ALB: variants seen among roughly 807,000 people sequenced by gnomAD.
ALB encodes serum albumin.
Under a neutral mutation model 74.5 loss-of-function variants are expected in ALB, and 37 were observed. The ratio of observed to expected loss-of-function variants is 0.50; its 90% CI spans 0.38 to 0.65. ALB has a LOEUF of 0.65. Among genes scored for constraint, ALB ranks in the 30% least tolerant of loss-of-function variants. ALB has a pLI of 0.00. For synonymous variants in ALB, 249 were observed against 251.6 expected (o/e 0.99, Z 0.10); for missense variants, 685 against 718.7 (o/e 0.95, Z 0.54).
Position 73,419,615 on chromosome 4 carries a change from T to C in ALB, c.1761T>C (p.Asp587=). 1 of 1,614,082 alleles carries C rather than the reference T, an allele frequency of 6.2e-7. No individual in the cohort carries two copies. The highest frequency in any genetic ancestry group is 8.5e-7 in the Non-Finnish European group (1 of 1,179,964). The stretch of plus-strand genomic sequence containing the variant: ...TAGAGAAGTGCTGCAAGGCTGACGA[T>C]AAGGAGACCTGCTTTGCCGAGGAGG... ...AFVEKCCKAD[D]KETCFAEEGK... is the part of the protein sequence containing the mutation. The change falls in exon 13 of 15, where the codon GAT becomes GAC. Residue 587 remains aspartate (D), a synonymous_variant. Transcript: ENST00000295897.
At chr4:73,410,198 A>T in intron 5 of ALB, 114 bp from the exon 6 acceptor site, 1 of 776,272 alleles carries the variant, frequency 1.3e-6, no homozygotes, top group Non-Finnish European at 2.3e-6. Flanking sequence ...TTGGGAATTT[A>T]GGCATAAATT....
rs1427073527 is a variant in ALB, at chr4:73,413,604, A to G, written c.1028A>G (p.Tyr343Cys). The G allele has an allele frequency of 1.2e-6, 2 of 1,614,150 alleles. No individual in the cohort carries two copies. Among genetic ancestry groups the G allele is most frequent in the Admixed American group, 1.7e-5 (1 of 60,014 alleles). The change falls in exon 8 of 15, where the codon TAT becomes TGT. Residue 343 changes from tyrosine (Y) to cysteine (C), a missense_variant. Transcript: ENST00000295897. ...GAAAGTAAGGATGTTTGCAAAAACTATGCTGAGGCAAAGGATGTCTTCCTG... is the reference window on the plus strand; with the variant it reads ...GAAAGTAAGGATGTTTGCAAAAACTGTGCTGAGGCAAAGGATGTCTTCCTG... ...FVESKDVCKN[Y>C]AEAKDVFLGM... is the part of the protein sequence containing the mutation.
intron 9 of ALB, among the ~76,000 whole-genome samples, chr4:73,415,902 G>A (rs1340982178): frequency 2.0e-5 from 3 of 152,096 alleles, no homozygotes; most frequent in Non-Finnish European, 2.9e-5. Context: ...TAGCTTACCT[G>A]GTTTACAGAG....
At chr4:73,420,121 T>C in intron 13 of ALB, 133 bp from the exon 14 acceptor site, 6 of 799,294 alleles carry the variant, frequency 7.5e-6, no homozygotes, top group Non-Finnish European at 1.2e-5. Flanking sequence ...GAGATTATAG[T>C]AGTAAATTGT....
At chr4:73,419,046 T>C (rs536431888) in intron 12 of ALB, among the ~76,000 whole-genome samples, 69 of 152,168 alleles carry the variant, frequency 4.5e-4, no homozygotes, top group African/African-American at 1.6e-3. Context: ...GAACCAAATA[T>C]AAAGTTTCTC....
intron 7 of ALB, among the ~76,000 whole-genome samples, chr4:73,412,874 A>T (rs1718915620): frequency 6.6e-6 from 1 of 152,196 alleles, no homozygotes; most frequent in Admixed American, 6.5e-5. Context: ...ATGTGCAAAT[A>T]TTTGGAATGA....
rs1577943559 is a variant in ALB, at chr4:73,421,190, T to C, written c.*122T>C. The stretch of plus-strand genomic sequence containing the variant: ...AAGCCAACACCCTGTCTAAAAAACA[T>C]AAATTTCTTTAATCATTTTGCCTCT... On this transcript the variant is annotated 3_prime_UTR_variant, in exon 15 of 15. Transcript: ENST00000295897. The C allele has an allele frequency of 3.1e-6, 2 of 651,780 alleles. No homozygotes were observed. The highest frequency in any genetic ancestry group is 1.7e-5 in the South Asian group (1 of 58,576). 40.4% of individuals were successfully genotyped at this position (651,780 alleles called of 1,614,324 possible). A position where few individuals can be genotyped will look rare whatever the true frequency, so the allele number is the denominator to read the frequency against.
chr4:73,409,291 T>G (rs747742715), intron 4 of ALB, 64 bp from the exon 5 acceptor site: 3 of 1,557,572 alleles, frequency 1.9e-6, no homozygotes, highest in Non-Finnish European at 2.6e-6. Flanking sequence ...GAATGTCGAT[T>G]ACAATTATTT....
intron 1 of ALB, 125 bp from the exon 2 acceptor site, chr4:73,404,991 T>G: frequency 1.2e-6 from 1 of 861,252 alleles, no homozygotes. Context: ...TCTGTAGGAA[T>G]CAGAGCCCAA....
chr4:73,418,208 G>T lies in ALB; in HGVS notation c.1549G>T (p.Val517Phe), dbSNP rs779064435. ...GCGACCATGCTTTTCAGCTCTGGAAGTCGATGAAACATACGTTCCCAAAGA... is the reference window on the plus strand; with the variant it reads ...GCGACCATGCTTTTCAGCTCTGGAATTCGATGAAACATACGTTCCCAAAGA... Reference protein sequence around the residue: ...NRRPCFSALEVDETYVPKEFN... With the variant: ...NRRPCFSALEFDETYVPKEFN... Residue 517 changes from valine (V) to phenylalanine (F), a missense_variant, in exon 12 of 15, where the codon GTC (valine) becomes TTC (phenylalanine). Transcript: ENST00000295897. 6.2e-7 allele frequency: 1 copy of T among 1,614,146 alleles called. No homozygotes were observed. The highest frequency in any genetic ancestry group is 1.3e-5 in the African/African-American group (1 of 75,050).
Position 73,410,405 on chromosome 4 carries a change from G to C in ALB, c.709G>C (p.Ala237Pro), listed in dbSNP as rs1171303257. Residue 237 changes from alanine to proline, a missense_variant, in exon 6 of 15, where the codon GCA (alanine) becomes CCA (proline). Transcript: ENST00000295897. Reference protein sequence around the residue: ...LQKFGERAFKAWAVARLSQRF... With the variant: ...LQKFGERAFKPWAVARLSQRF... ...AAAATTTGGAGAAAGAGCTTTCAAA[G>C]CATGGTAAATACTTTTAAACATAGT... The C allele has an allele frequency of 6.2e-7, 1 of 1,604,580 alleles. No individual in the cohort carries two copies.
rs1719089015 is a variant in ALB, at chr4:73,419,283, G to C, written c.1653-224G>C. The C allele has an allele frequency of 4.0e-5, 22 of 548,146 alleles. No individual in the cohort carries two copies. The South Asian group carries it at 4.7e-4, about 12-fold the overall frequency. The allele number at this position is 548,146 out of a possible 1,614,324, so 34.0% of individuals were successfully genotyped here. A position where few individuals can be genotyped will look rare whatever the true frequency, so the allele number is the denominator to read the frequency against. On this transcript the variant is annotated intron_variant, in intron 12 of 14. Transcript: ENST00000295897. ...GTGGTTTATACTGATTGTTTCAGTT[G>C]GTCTTCCCACCAACTCCATGAAAGT...
intron 3 of ALB, among the ~76,000 whole-genome samples, chr4:73,406,991 A>T (rs1318217499): frequency 6.6e-6 from 1 of 152,224 alleles, no homozygotes; most frequent in Non-Finnish European, 1.5e-5. Context: ...CACAACAGTC[A>T]TGGTGTATTT....
chr4:73,416,357 A>G lies in ALB; in HGVS notation c.1289+4A>G. The G allele has an allele frequency of 1.2e-6, 2 of 1,606,722 alleles. No homozygotes were observed. The highest frequency in any genetic ancestry group is 1.7e-6 in the Non-Finnish European group (2 of 1,175,118). On this transcript the variant is annotated splice_donor_region_variant and intron_variant, in intron 10 of 14. Transcript: ENST00000295897. ...GAGAGTACAAATTCCAGAATGCGTA[A>G]GTAATTTTTATTGACTGATTTTTTT...
At chr4:73,409,518 T>G in intron 5 of ALB, 31 bp downstream of exon 5, 6 of 1,613,576 alleles carry the variant, frequency 3.7e-6, no homozygotes, top group Non-Finnish European at 5.1e-6. Context: ...AAAAAAGAGT[T>G]CATTATCCAA....
At position 73,420,249 on chromosome 4, in the gene ALB, T is replaced by C; in HGVS notation, c.1786-5T>C. 6.2e-7 allele frequency: 1 copy of C among 1,612,056 alleles called. No homozygotes were observed. The highest frequency in any genetic ancestry group is 8.5e-7 in the Non-Finnish European group (1 of 1,178,434). ...TCCTAACATCTGTCATGTCTTTGTG[T>C]TCAGGGTAAAAAACTTGTTGCTGCA... is the stretch of plus-strand genomic sequence containing the variant. On this transcript the variant is annotated splice_polypyrimidine_tract_variant and splice_region_variant and intron_variant, in intron 13 of 14. Transcript: ENST00000295897.
intron 3 of ALB, 46 bp from the exon 4 acceptor site, chr4:73,408,548 A>T: frequency 1.3e-6 from 2 of 1,536,180 alleles, no homozygotes; most frequent in Non-Finnish European, 1.8e-6. Flanking sequence ...GGCTATAAAG[A>T]AAAAAGGTAC....
At chr4:73,405,744 T>C (rs564294771) in intron 2 of ALB, among the ~76,000 whole-genome samples, 85 of 151,850 alleles carry the variant, frequency 5.6e-4, no homozygotes, top group South Asian at 2.9e-3. Flanking sequence ...GCGCCCGCCA[T>C]CACGCCCGGC....
chr4:73,410,456 A>T, intron 6 of ALB, 47 bp downstream of exon 6: 1 of 1,326,004 alleles, frequency 7.5e-7, no homozygotes, highest in Non-Finnish European at 1.1e-6. Context: ...GATGTAAATG[A>T]TAATGCTTCA....
Sources: gnomAD v4.1 joint callset for allele counts (sites outside exome capture counted in the v4.1 genomes callset) on GRCh38, gnomAD v4.1.1 for gene constraint, MANE v1.5 for transcripts, NCBI Gene and HGNC (gene_info 2026-07-23, HGNC 2026-07-21) for gene names.